Variants in CSMD1 observed in about 807,000 individuals in gnomAD.
The protein encoded by CSMD1 is CUB and sushi domain-containing protein 1.
Under a neutral mutation model 417.5 loss-of-function variants are expected in CSMD1, and 213 were observed. The observed-to-expected ratio is 0.51, with a 90% CI of 0.46 to 0.57. The LOEUF is 0.57. Among genes scored for constraint, CSMD1 ranks in the 20% least tolerant of loss-of-function variants. The probability of loss-of-function intolerance (pLI) is 0.00; values close to 1 mark genes in which losing one functional copy is unlikely to be tolerated. For missense variants in CSMD1, 6,923 were observed against 4,529.7 expected, an observed-to-expected ratio of 1.53 and a Z score of -15.17; for synonymous variants, 2,862 against 1,736.8, an observed-to-expected ratio of 1.65 and a Z score of -16.11.
chr8:3,544,830 G>C (rs1462204354), intron 10 of CSMD1, among the ~76,000 whole-genome samples: 1 of 152,126 alleles, frequency 6.6e-6, no homozygotes, highest in Non-Finnish European at 1.5e-5. Context: ...GAGATGACAA[G>C]ACACGTGCTA....
chr8:3,072,833 T>C (rs2128999248), intron 49 of CSMD1, among the ~76,000 whole-genome samples: 1 of 152,274 alleles, frequency 6.6e-6, no homozygotes, highest in East Asian at 1.9e-4. Flanking sequence ...TATAGGTGTG[T>C]GTGTGGTGCC....
At chr8:4,173,513 G>A (rs1004366188) in intron 3 of CSMD1, among the ~76,000 whole-genome samples, 1 of 152,064 alleles carries the variant, frequency 6.6e-6, no homozygotes, top group Non-Finnish European at 1.5e-5. Context: ...GGTAGATGGG[G>A]ATAAACACCA....
chr8:4,612,303 T>C lies in CSMD1; in HGVS notation c.302+25039A>G, dbSNP rs539912257. ...AAGCTAAAACTTCAAAAATACCTTGTTTCCTTTTTTGAAGTTCCCCACTTT... is the reference window on the plus strand; with the variant it reads ...AAGCTAAAACTTCAAAAATACCTTGCTTCCTTTTTTGAAGTTCCCCACTTT... On this transcript the variant is annotated intron_variant, in intron 2 of 69. Coordinates refer to ENST00000635120, the MANE Select transcript of CSMD1 (RefSeq NM_033225.6). Among the ~76,000 whole-genome samples, 13 of 152,276 alleles carry C rather than the reference T, an allele frequency of 8.5e-5. No homozygotes were observed. In the South Asian group the frequency reaches 2.1e-3, roughly 24 times the overall value.
intron 5 of CSMD1, among the ~76,000 whole-genome samples, chr8:3,859,320 C>T (rs1490162966): frequency 1.3e-5 from 2 of 152,182 alleles, no homozygotes; most frequent in African/African-American, 4.8e-5. Context: ...ATTCGCTCGG[C>T]CTATTTTTTG....
chr8:4,662,491 G>C (rs574972539), intron 1 of CSMD1, among the ~76,000 whole-genome samples: 2 of 152,154 alleles, frequency 1.3e-5, no homozygotes, highest in East Asian at 3.9e-4. Flanking sequence ...CTGCAGACTG[G>C]TGCTTTCTGG....
intron 42 of CSMD1, among the ~76,000 whole-genome samples, chr8:3,112,720 G>A (rs1031850751): frequency 6.6e-6 from 1 of 152,186 alleles, no homozygotes; most frequent in African/African-American, 2.4e-5. Context: ...GATGAAGAGA[G>A]ATATTAAGCA....
chr8:3,244,344 G>C (rs1799740187), intron 26 of CSMD1, among the ~76,000 whole-genome samples: 1 of 152,150 alleles, frequency 6.6e-6, no homozygotes, highest in Non-Finnish European at 1.5e-5. Flanking sequence ...TCACTCCGGA[G>C]GTCCTCTTAG....
rs560450090 is a variant in CSMD1 at position 3,527,451 on chromosome 8, T to C, written c.1345-33725A>G. Among the ~76,000 whole-genome samples, 4 of 152,274 alleles carry C rather than the reference T, an allele frequency of 2.6e-5. No individual in the cohort carries two copies. The South Asian group carries it at 6.2e-4, about 24-fold the overall frequency. Reference sequence around the variant, plus strand: ...TTAGAGGTTGCTAAAGATTACAGTCTGTGTGGGCGAGGGTGGGATGTCACT... The same window carrying C: ...TTAGAGGTTGCTAAAGATTACAGTCCGTGTGGGCGAGGGTGGGATGTCACT... On this transcript the variant is annotated intron_variant, in intron 10 of 69. Coordinates refer to ENST00000635120, the MANE Select transcript of CSMD1 (RefSeq NM_033225.6).
chr8:3,229,024 C>A (rs7845373), intron 27 of CSMD1, among the ~76,000 whole-genome samples: 1 of 151,894 alleles, frequency 6.6e-6, no homozygotes, highest in Non-Finnish European at 1.5e-5. Flanking sequence ...ATAAGGACAG[C>A]TATCCAACCT....
chr8:4,627,942 T>G lies in CSMD1; in HGVS notation c.302+9400A>C, dbSNP rs139966238. 3.5e-4 allele frequency among the ~76,000 whole-genome samples: 54 copies of G among 152,150 alleles called. 1 individual carries two copies. The highest frequency in any genetic ancestry group is 1.3e-3 in the African/African-American group (53 of 41,490). ...CCACTGCAGGACGATGATCAGCATC[T>G]CTAGATTATACCTGTCAGATTCTAA... On this transcript the variant is annotated intron_variant, in intron 2 of 69. Transcript: ENST00000635120.
chr8:3,874,502 T>C (rs1037665512), intron 5 of CSMD1, among the ~76,000 whole-genome samples: 6 of 152,210 alleles, frequency 3.9e-5, no homozygotes, highest in African/African-American at 9.7e-5. Context: ...TGACGTTGCA[T>C]TGAAACACAT....
intron 3 of CSMD1, among the ~76,000 whole-genome samples, chr8:4,258,312 G>A (rs547941848): frequency 1.8e-5 from 2 of 108,406 alleles, no homozygotes; most frequent in South Asian, 3.8e-4. Flanking sequence ...AGAGAGTGAG[G>A]GAGGAGAGGG....
chr8:3,711,913 G>C (rs1190710846), intron 6 of CSMD1, among the ~76,000 whole-genome samples: 1 of 152,108 alleles, frequency 6.6e-6, no homozygotes, highest in Non-Finnish European at 1.5e-5. Flanking sequence ...ACAGAGATCT[G>C]TTTACTCAGA....
chr8:4,408,264 A>G lies in CSMD1; in HGVS notation c.415+11689T>C, dbSNP rs74495253. 5.9e-3 allele frequency among the ~76,000 whole-genome samples: 903 copies of G among 152,280 alleles called. 33 individuals are homozygous for G. The East Asian group carries it at 0.087, about 15-fold the overall frequency. On this transcript the variant is annotated intron_variant, in intron 3 of 69. Coordinates refer to ENST00000635120, the MANE Select transcript of CSMD1 (RefSeq NM_033225.6). ...TGTTTCTCTCTCCTCAGAGGATATG[A>G]AAGAATATAAGGTTATATTATGAAA...
intron 7 of CSMD1, among the ~76,000 whole-genome samples, chr8:3,665,122 G>A (rs937062294): frequency 1.3e-5 from 2 of 152,046 alleles, no homozygotes; most frequent in Non-Finnish European, 1.5e-5. Context: ...GAAAGTTTCA[G>A]GTGATTAGGA....
At chr8:3,885,649 T>C (rs1458753953) in intron 5 of CSMD1, among the ~76,000 whole-genome samples, 1 of 152,074 alleles carries the variant, frequency 6.6e-6, no homozygotes, top group African/African-American at 2.4e-5. Flanking sequence ...TGTTCTCTAT[T>C]CCCCCTCATT....
chr8:4,320,846 T>C (rs970910471), intron 3 of CSMD1, among the ~76,000 whole-genome samples: 1 of 152,118 alleles, frequency 6.6e-6, no homozygotes, highest in Non-Finnish European at 1.5e-5. Context: ...ACCCAAAGGA[T>C]TATAAATCAT....
At chr8:3,537,083 C>T (rs373102042) in intron 10 of CSMD1, among the ~76,000 whole-genome samples, 2 of 152,008 alleles carry the variant, frequency 1.3e-5, no homozygotes, top group Admixed American at 6.6e-5. Context: ...AGCTCACTGC[C>T]ACCTCCGCCT....
intron 7 of CSMD1, among the ~76,000 whole-genome samples, chr8:3,682,419 C>T (rs1388453726): frequency 6.6e-6 from 1 of 152,150 alleles, no homozygotes; most frequent in African/African-American, 2.4e-5. Flanking sequence ...GACCTTTATG[C>T]AGCCAACAGA....
Sources: allele counts gnomAD v4.1 joint callset (sites outside exome capture counted in the v4.1 genomes callset), GRCh38; gene constraint gnomAD v4.1.1; transcripts MANE v1.5; gene names NCBI Gene and HGNC (gene_info 2026-07-23, HGNC 2026-07-21).